PARM1: variants seen among roughly 807,000 people sequenced by gnomAD.
PARM1 encodes prostate androgen-regulated mucin-like protein 1.
PARM1 carries 14 observed loss-of-function variants against 24.6 expected under a neutral mutation model. The observed-to-expected ratio is 0.57, with a 90% CI of 0.38 to 0.89. PARM1 has a LOEUF of 0.89. Ranked by LOEUF, PARM1 falls within the 40% of genes least tolerant of loss-of-function variation. The pLI, the probability that PARM1 is intolerant of heterozygous loss-of-function variation, is 0.00. For synonymous variants in PARM1, 179 were observed against 156.6 expected (o/e 1.14, Z -1.07); for missense variants, 362 against 380.4 (o/e 0.95, Z 0.40).
intron 2 of PARM1, among the ~76,000 whole-genome samples, chr4:75,013,491 T>G (rs1185725610): frequency 2.6e-5 from 4 of 152,248 alleles, no homozygotes; most frequent in African/African-American, 7.2e-5. Flanking sequence ...GACAAGTTAC[T>G]TCACCTCTTT....
intron 1 of PARM1, among the ~76,000 whole-genome samples, chr4:74,981,704 G>A (rs968327657): frequency 9.9e-5 from 15 of 151,822 alleles, no homozygotes; most frequent in African/African-American, 2.7e-4. Flanking sequence ...GTGAAACCCC[G>A]TCTCTACTAA....
chr4:74,963,602 G>T (rs1019021848), intron 1 of PARM1, among the ~76,000 whole-genome samples: 3 of 152,162 alleles, frequency 2.0e-5, no homozygotes, highest in African/African-American at 7.2e-5. Flanking sequence ...TCTAGAATAG[G>T]CAAGTCAAAG....
chr4:74,972,219 G>C (rs1722052192), intron 1 of PARM1, among the ~76,000 whole-genome samples: 1 of 152,182 alleles, frequency 6.6e-6, no homozygotes, highest in African/African-American at 2.4e-5. Context: ...CATGGCTCTG[G>C]GATTGCCTGA....
chr4:74,948,606 T>G (rs1218169024), intron 1 of PARM1, among the ~76,000 whole-genome samples: 2 of 152,026 alleles, frequency 1.3e-5, no homozygotes, highest in Non-Finnish European at 2.9e-5. Flanking sequence ...AATCGCACAG[T>G]GAGAGTCATG....
Position 75,012,762 on chromosome 4 carries a change from G to C in PARM1, c.381G>C (p.Ser127=), listed in dbSNP as rs150724435. 6.2e-7 allele frequency: 1 copy of C among 1,613,950 alleles called. No homozygotes were observed. Among genetic ancestry groups the C allele is most frequent in the African/African-American group, 1.3e-5 (1 of 75,030 alleles). ...HLTTTLEEHS[S]GTPEAGVAAT... ...CAACCACGTTGGAGGAACACAGCTCGGGCACTCCTGAAGCAGGCGTGGCAG... is the reference window on the plus strand; with the variant it reads ...CAACCACGTTGGAGGAACACAGCTCCGGCACTCCTGAAGCAGGCGTGGCAG... The change falls in exon 2 of 4, where the codon TCG becomes TCC. Residue 127 remains serine, a synonymous_variant. Coordinates refer to ENST00000307428, the MANE Select transcript of PARM1 (RefSeq NM_015393.4).
intron 2 of PARM1, among the ~76,000 whole-genome samples, chr4:75,020,499 C>G (rs930727221): frequency 3.3e-5 from 5 of 152,050 alleles, no homozygotes; most frequent in South Asian, 2.1e-4. Context: ...ATTTCCCCCC[C>G]CCCGCACCCA....
intron 2 of PARM1, among the ~76,000 whole-genome samples, chr4:75,024,407 G>T (rs560815755): frequency 1.3e-5 from 2 of 152,160 alleles, no homozygotes; most frequent in Non-Finnish European, 2.9e-5. Context: ...AAGGTGTCAG[G>T]ATAGGTAACC....
At chr4:74,987,762 C>CT (rs1457104669) in intron 1 of PARM1, among the ~76,000 whole-genome samples, 1 of 151,944 alleles carries the variant, frequency 6.6e-6, no homozygotes, top group East Asian at 1.9e-4. Context: ...GAATTCTGTT[C>CT]TTTTTTTGAA....
intron 1 of PARM1, among the ~76,000 whole-genome samples, chr4:74,972,840 A>AG (rs1381590547): frequency 6.6e-6 from 1 of 152,154 alleles, no homozygotes; most frequent in Non-Finnish European, 1.5e-5. Flanking sequence ...CCAGGCAGTA[A>AG]GGGGAAATGA....
At chr4:74,983,937 T>C (rs1282868990) in intron 1 of PARM1, among the ~76,000 whole-genome samples, 8 of 152,166 alleles carry the variant, frequency 5.3e-5, no homozygotes, top group Non-Finnish European at 1.0e-4. Flanking sequence ...CAGTGATCGA[T>C]TGCTTGAAAT....
chr4:75,043,779 T>C (rs533924714), intron 3 of PARM1, among the ~76,000 whole-genome samples: 47 of 152,294 alleles, frequency 3.1e-4, no homozygotes, highest in African/African-American at 1.1e-3. Context: ...GTGTTGGCCA[T>C]AGACAGCCCA....
chr4:75,034,623 A>G (rs1316038148), intron 3 of PARM1, among the ~76,000 whole-genome samples: 1 of 152,214 alleles, frequency 6.6e-6, no homozygotes, highest in Non-Finnish European at 1.5e-5. Flanking sequence ...TTGCTCCGTG[A>G]AATCAAGTCT....
At chr4:74,936,756 C>T (rs914256016) in intron 1 of PARM1, among the ~76,000 whole-genome samples, 6 of 151,890 alleles carry the variant, frequency 4.0e-5, no homozygotes, top group South Asian at 2.1e-4. Flanking sequence ...CGCCCGGGCA[C>T]GTTCAAGTTT....
intron 2 of PARM1, among the ~76,000 whole-genome samples, chr4:75,030,859 C>T (rs557957930): frequency 2.6e-5 from 4 of 152,312 alleles, no homozygotes; most frequent in African/African-American, 4.8e-5. Flanking sequence ...ACACCTTCCT[C>T]ATTTTTTCTG....
intron 1 of PARM1, chr4:74,997,625 T>C (rs1271482206): frequency 6.6e-6 from 1 of 152,164 alleles, no homozygotes; most frequent in East Asian, 1.9e-4. Context: ...ACTTACTGAC[T>C]TTGAATGTAA....
intron 1 of PARM1, among the ~76,000 whole-genome samples, chr4:74,954,631 C>T (rs1481262269): frequency 5.9e-5 from 9 of 152,266 alleles, no homozygotes; most frequent in Non-Finnish European, 1.2e-4. Flanking sequence ...ATTCTAGCAT[C>T]GTGCGCATCA....
chr4:74,996,526 C>A (rs2109783520), intron 1 of PARM1, among the ~76,000 whole-genome samples: 1 of 151,388 alleles, frequency 6.6e-6, no homozygotes, highest in African/African-American at 2.4e-5. Flanking sequence ...TGTAGATTGA[C>A]CTATTGAATT....
At chr4:74,933,500 T>TGC (rs1721111281) in intron 1 of PARM1, 130 bp downstream of exon 1, 1 of 753,942 alleles carries the variant, frequency 1.3e-6, no homozygotes, top group Non-Finnish European at 2.3e-6. Context: ...CGCAGGTGTG[T>TGC]GCGCACTTAG....
intron 2 of PARM1, among the ~76,000 whole-genome samples, chr4:75,027,047 C>A (rs1256433596): frequency 6.6e-6 from 1 of 152,178 alleles, no homozygotes; most frequent in Admixed American, 6.5e-5. Flanking sequence ...CCCCATCCAT[C>A]AGAGAACAGC....
Sources: allele counts gnomAD v4.1 joint callset (sites outside exome capture counted in the v4.1 genomes callset), GRCh38; gene constraint gnomAD v4.1.1; transcripts MANE v1.5; gene names NCBI Gene and HGNC (gene_info 2026-07-23, HGNC 2026-07-21).